BFSP2: variants seen among roughly 807,000 people sequenced by gnomAD.
The protein encoded by BFSP2 is beaded filament structural protein 2, also known as phakinin.
Under a neutral mutation model 44.9 loss-of-function variants are expected in BFSP2, and 38 were observed. The ratio of observed to expected loss-of-function variants is 0.85; its 90% CI spans 0.65 to 1.11. The LOEUF (loss-of-function observed/expected upper bound fraction) is 1.11, where lower values mean the gene tolerates loss of function less well. Among genes scored for constraint, BFSP2 ranks in the 50% least tolerant of loss-of-function variants. The probability of loss-of-function intolerance (pLI) is 0.00; values close to 1 mark genes in which losing one functional copy is unlikely to be tolerated. For missense variants in BFSP2, 525 were observed against 533.0 expected (o/e 0.99, Z 0.15); for synonymous variants, 197 against 209.9 (o/e 0.94, Z 0.53).
chr3:133,464,164 G>A (rs1322794363), intron 4 of BFSP2, among the ~76,000 whole-genome samples: 1 of 152,174 alleles, frequency 6.6e-6, no homozygotes, highest in African/African-American at 2.4e-5. Context: ...CTGGGGTATT[G>A]ATCATAAGAA....
At chr3:133,427,509 C>G (rs1298300130) in intron 1 of BFSP2, among the ~76,000 whole-genome samples, 1 of 152,220 alleles carries the variant, frequency 6.6e-6, no homozygotes, top group Non-Finnish European at 1.5e-5. Flanking sequence ...GATGTTCACA[C>G]AAGATCAAGT....
At chr3:133,405,271 A>T (rs1449221103) in intron 1 of BFSP2, among the ~76,000 whole-genome samples, 1 of 152,242 alleles carries the variant, frequency 6.6e-6, no homozygotes, top group Non-Finnish European at 1.5e-5. Flanking sequence ...ACTGCAGCTT[A>T]TACCTCCAAA....
At chr3:133,427,170 T>C (rs911004230) in intron 1 of BFSP2, among the ~76,000 whole-genome samples, 21 of 152,246 alleles carry the variant, frequency 1.4e-4, no homozygotes, top group African/African-American at 5.1e-4. Context: ...TTATTGATTC[T>C]GGGTCTCCAA....
At chr3:133,440,519 C>A (rs1033944439) in intron 1 of BFSP2, among the ~76,000 whole-genome samples, 3 of 152,074 alleles carry the variant, frequency 2.0e-5, no homozygotes, top group Non-Finnish European at 2.9e-5. Flanking sequence ...GGTTTAAACC[C>A]TATATATGGT....
chr3:133,436,466 A>G (rs954540363), intron 1 of BFSP2, among the ~76,000 whole-genome samples: 1 of 151,700 alleles, frequency 6.6e-6, no homozygotes, highest in African/African-American at 2.4e-5. Context: ...CAATTTTTCT[A>G]TCACAAACAA....
chr3:133,415,280 C>T (rs1395096871), intron 1 of BFSP2, among the ~76,000 whole-genome samples: 1 of 116,764 alleles, frequency 8.6e-6, no homozygotes, highest in Non-Finnish European at 1.7e-5. Flanking sequence ...ACTCACCCCT[C>T]TACTCACCCT....
At chr3:133,415,840 C>A (rs1391937080) in intron 1 of BFSP2, among the ~76,000 whole-genome samples, 1 of 144,022 alleles carries the variant, frequency 6.9e-6, no homozygotes, top group Non-Finnish European at 1.5e-5. Context: ...CTTCCCTCTA[C>A]TCACCCCTGC....
intron 1 of BFSP2, 104 bp from the exon 2 acceptor site, chr3:133,447,213 C>A (rs1004072493): frequency 4.3e-5 from 50 of 1,171,694 alleles, no homozygotes; most frequent in East Asian, 7.3e-5. Flanking sequence ...AAGAAAGGTT[C>A]TCTGAGGTCC....
At chr3:133,424,239 T>TGGG (rs1559963474) in intron 1 of BFSP2, among the ~76,000 whole-genome samples, 1 of 120,600 alleles carries the variant, frequency 8.3e-6, no homozygotes, top group Non-Finnish European at 1.7e-5. Context: ...TTTTTTTTTT[T>TGGG]TTGTATTTTT....
At chr3:133,437,491 C>T (rs943539617) in intron 1 of BFSP2, among the ~76,000 whole-genome samples, 2 of 151,374 alleles carry the variant, frequency 1.3e-5, no homozygotes, top group Non-Finnish European at 2.9e-5. Flanking sequence ...CCATTGCACT[C>T]CAGCCTGGGC....
intron 1 of BFSP2, among the ~76,000 whole-genome samples, chr3:133,446,570 TTATATATATATATA>T (rs1168844039): frequency 1.3e-4 from 3 of 22,384 alleles, no homozygotes; most frequent in Non-Finnish European, 4.6e-4. Flanking sequence ...AGCTCACCAT[TTATATATATATATA>T]TATATATATA....
intron 5 of BFSP2, among the ~76,000 whole-genome samples, chr3:133,467,454 C>T (rs2063464725): frequency 6.6e-6 from 1 of 152,132 alleles, no homozygotes; most frequent in Non-Finnish European, 1.5e-5. Flanking sequence ...CCTTCCTCTG[C>T]CCTGTCCTGC....
intron 1 of BFSP2, among the ~76,000 whole-genome samples, chr3:133,422,394 T>C (rs1217919476): frequency 2.0e-5 from 3 of 152,134 alleles, no homozygotes; most frequent in African/African-American, 7.2e-5. Flanking sequence ...ATGAGATGGA[T>C]CGTTTCCCTG....
chr3:133,448,225 T>A (rs994668321), intron 2 of BFSP2, among the ~76,000 whole-genome samples: 2 of 152,126 alleles, frequency 1.3e-5, no homozygotes, highest in African/African-American at 4.8e-5. Context: ...AACTCCTGAG[T>A]TTTCCCTGGA....
At chr3:133,429,894 A>C (rs1360772236) in intron 1 of BFSP2, among the ~76,000 whole-genome samples, 1 of 151,498 alleles carries the variant, frequency 6.6e-6, no homozygotes, top group Non-Finnish European at 1.5e-5. Context: ...TCCTAATGCT[A>C]TCCCTCCCCA....
chr3:133,441,883 TA>T (rs1428097553), intron 1 of BFSP2, among the ~76,000 whole-genome samples: 4 of 152,030 alleles, frequency 2.6e-5, no homozygotes, highest in Non-Finnish European at 5.9e-5. Flanking sequence ...CTGCTCGCAG[TA>T]AGGTGACCAG....
intron 4 of BFSP2, among the ~76,000 whole-genome samples, chr3:133,464,461 CTG>C (rs950025358): frequency 2.6e-5 from 4 of 152,182 alleles, no homozygotes; most frequent in African/African-American, 9.7e-5. Context: ...TTGATTAAAA[CTG>C]TTAACAATGT....
At chr3:133,449,798 A>T (rs553669262) in intron 3 of BFSP2, among the ~76,000 whole-genome samples, 1 of 151,974 alleles carries the variant, frequency 6.6e-6, no homozygotes, top group Admixed American at 6.6e-5. Context: ...CTGAGGTGGG[A>T]GGACTGTTTG....
At chr3:133,447,823 T>C (rs897268175) in intron 2 of BFSP2, among the ~76,000 whole-genome samples, 1 of 152,202 alleles carries the variant, frequency 6.6e-6, no homozygotes, top group Non-Finnish European at 1.5e-5. Context: ...GTAATGATTC[T>C]CCAACCTGGG....
Sources: allele counts gnomAD v4.1 joint callset (sites outside exome capture counted in the v4.1 genomes callset), GRCh38; gene constraint gnomAD v4.1.1; transcripts MANE v1.5; gene names NCBI Gene and HGNC (gene_info 2026-07-23, HGNC 2026-07-21).